The following STK32B variants were observed in gnomAD, a reference collection of about 807,000 sequenced individuals.
STK32B encodes the protein serine/threonine kinase 32B.
STK32B carries 43 observed loss-of-function variants against 52.6 expected under a neutral mutation model. The observed-to-expected ratio is 0.82, with a 90% CI of 0.64 to 1.05. STK32B has a LOEUF of 1.05. Ranked by LOEUF, STK32B falls within the 50% of genes least tolerant of loss-of-function variation. The pLI, the probability that STK32B is intolerant of heterozygous loss-of-function variation, is 0.00. For missense variants in STK32B, 621 were observed against 534.6 expected, an observed-to-expected ratio of 1.16 and a Z score of -1.59; for synonymous variants, 238 against 204.3, an observed-to-expected ratio of 1.17 and a Z score of -1.41.
At chr4:5,434,863 C>T (rs2369705) in intron 6 of STK32B, among the ~76,000 whole-genome samples, 27,966 of 152,034 alleles carry the variant, frequency 0.18, 3,465 homozygotes, top group East Asian at 0.48. Context: ...CCCCTAAGAT[C>T]GCAACTATTG....
At chr4:5,448,616 A>G (rs1038327879) in intron 7 of STK32B, among the ~76,000 whole-genome samples, 1 of 152,226 alleles carries the variant, frequency 6.6e-6, no homozygotes, top group African/African-American at 2.4e-5. Flanking sequence ...ATTCACAAAT[A>G]AACTATTTTA....
At chr4:5,486,381 C>T (rs535500958) in intron 11 of STK32B, among the ~76,000 whole-genome samples, 10 of 152,304 alleles carry the variant, frequency 6.6e-5, no homozygotes, top group African/African-American at 2.4e-4. Context: ...TAGGATCCTC[C>T]CAGCCAGGCG....
chr4:5,178,128 C>G (rs932816158), intron 3 of STK32B, among the ~76,000 whole-genome samples: 2 of 152,204 alleles, frequency 1.3e-5, no homozygotes, highest in South Asian at 4.1e-4. Context: ...GGGCTCTGCC[C>G]CTGCAGCAGA....
intron 7 of STK32B, among the ~76,000 whole-genome samples, chr4:5,450,605 C>T (rs1715902731): frequency 6.6e-6 from 1 of 152,204 alleles, no homozygotes; most frequent in Non-Finnish European, 1.5e-5. Flanking sequence ...TGGCTCTAAC[C>T]AGGTACCCCA....
chr4:5,476,253 GA>G (rs1718231409), intron 11 of STK32B, among the ~76,000 whole-genome samples: 1 of 152,188 alleles, frequency 6.6e-6, no homozygotes, highest in Non-Finnish European at 1.5e-5. Flanking sequence ...TCATCCGTCT[GA>G]GGTCACTGGT....
intron 4 of STK32B, among the ~76,000 whole-genome samples, chr4:5,369,557 C>A (rs1261018089): frequency 6.6e-6 from 1 of 152,074 alleles, no homozygotes; most frequent in African/African-American, 2.4e-5. Context: ...CTCTTTAGCC[C>A]CTCTCTTGGC....
At chr4:5,072,198 A>G (rs944332469) in intron 1 of STK32B, among the ~76,000 whole-genome samples, 2 of 152,156 alleles carry the variant, frequency 1.3e-5, no homozygotes, top group African/African-American at 4.8e-5. Context: ...CTACACTGAC[A>G]ACTCTGTCTT....
At chr4:5,175,715 G>C (rs755327226) in intron 3 of STK32B, among the ~76,000 whole-genome samples, 2 of 152,182 alleles carry the variant, frequency 1.3e-5, no homozygotes, top group South Asian at 2.1e-4. Context: ...TGCCCCTACT[G>C]GGGGGTGCCT....
intron 3 of STK32B, among the ~76,000 whole-genome samples, chr4:5,231,147 C>G (rs1370584980): frequency 6.6e-6 from 1 of 152,134 alleles, no homozygotes; most frequent in African/African-American, 2.4e-5. Flanking sequence ...TTTATGCCTT[C>G]TTTTGATATC....
intron 3 of STK32B, among the ~76,000 whole-genome samples, chr4:5,307,816 G>A (rs1223115308): frequency 6.9e-6 from 1 of 145,740 alleles, no homozygotes; most frequent in South Asian, 2.1e-4. Context: ...TCCCACGGGG[G>A]TGCTCTTTTG....
chr4:5,190,722 CTG>C (rs1197365345), intron 3 of STK32B, among the ~76,000 whole-genome samples: 2 of 152,148 alleles, frequency 1.3e-5, no homozygotes, highest in Non-Finnish European at 2.9e-5. Context: ...AACGCTGAGA[CTG>C]TGGAGTAAGA....
intron 6 of STK32B, among the ~76,000 whole-genome samples, 190 bp downstream of exon 6, chr4:5,417,124 G>A (rs1014030053): frequency 3.3e-5 from 5 of 152,190 alleles, no homozygotes; most frequent in African/African-American, 1.2e-4. Flanking sequence ...TCCTCTGCTA[G>A]ACAACCCCTC....
chr4:5,045,854 A>G, the STK32B span, among the ~76,000 whole-genome samples: 2 of 152,208 alleles, frequency 1.3e-5, no homozygotes, highest in African/African-American at 4.8e-5. Flanking sequence ...ATCTGCAAGC[A>G]GAGACAATTT....
intron 3 of STK32B, among the ~76,000 whole-genome samples, chr4:5,206,486 G>A (rs1232415587): frequency 6.6e-6 from 1 of 152,112 alleles, no homozygotes; most frequent in Non-Finnish European, 1.5e-5. Context: ...CCCCAGTCTT[G>A]AGCTAATGAC....
intron 2 of STK32B, among the ~76,000 whole-genome samples, chr4:5,167,037 G>A (rs1171148389): frequency 6.6e-6 from 1 of 152,130 alleles, no homozygotes; most frequent in Non-Finnish European, 1.5e-5. Context: ...TTCCTGCTGT[G>A]CTTGCTGTGT....
chr4:5,419,871 A>G (rs1712477556), intron 6 of STK32B, among the ~76,000 whole-genome samples: 1 of 152,224 alleles, frequency 6.6e-6, no homozygotes, highest in South Asian at 2.1e-4. Flanking sequence ...TGATTTATTA[A>G]ATAAATAGAA....
intron 11 of STK32B, among the ~76,000 whole-genome samples, chr4:5,482,627 A>C (rs917653203): frequency 6.6e-6 from 1 of 152,172 alleles, no homozygotes; most frequent in African/African-American, 2.4e-5. Context: ...CACTATATTG[A>C]ATAGGAGTAG....
intron 3 of STK32B, among the ~76,000 whole-genome samples, chr4:5,286,313 G>A (rs111650210): frequency 5.3e-5 from 8 of 152,026 alleles, no homozygotes; most frequent in African/African-American, 1.2e-4. Context: ...GTGGAGAGTC[G>A]GATACTTTAA....
At chr4:5,240,029 T>C (rs1724904634) in intron 3 of STK32B, among the ~76,000 whole-genome samples, 1 of 150,708 alleles carries the variant, frequency 6.6e-6, no homozygotes, top group African/African-American at 2.5e-5. Context: ...TCCCTTTTTT[T>C]CTCTTTCCCC....
Sources: gnomAD v4.1 joint callset for allele counts (sites outside exome capture counted in the v4.1 genomes callset) on GRCh38, gnomAD v4.1.1 for gene constraint, MANE v1.5 for transcripts, NCBI Gene and HGNC (gene_info 2026-07-23, HGNC 2026-07-21) for gene names.